The following PIEZO2 variants were observed in gnomAD, a reference collection of about 807,000 sequenced individuals.
The protein encoded by PIEZO2 is piezo-type mechanosensitive ion channel component 2.
A neutral mutation model predicts 337.3 loss-of-function variants in PIEZO2; 172 were observed. The observed-to-expected ratio is 0.51, with a 90% CI of 0.45 to 0.58. PIEZO2 has a LOEUF of 0.58. Among genes scored for constraint, PIEZO2 ranks in the 20% least tolerant of loss-of-function variants. The probability of loss-of-function intolerance (pLI) is 0.00; values close to 1 mark genes in which losing one functional copy is unlikely to be tolerated. For synonymous variants in PIEZO2, 1,251 were observed against 1,228.5 expected (o/e 1.02, Z -0.38); for missense variants, 3,028 against 3,391.3 (o/e 0.89, Z 2.66).
intron 4 of PIEZO2, among the ~76,000 whole-genome samples, chr18:10,909,932 T>C (rs2030309277): frequency 6.6e-6 from 1 of 152,224 alleles, no homozygotes; most frequent in Admixed American, 6.5e-5. Context: ...TAGGTGTTGG[T>C]AGGGAAATAA....
chr18:10,946,127 C>G (rs1258928923), intron 3 of PIEZO2, among the ~76,000 whole-genome samples: 1 of 152,036 alleles, frequency 6.6e-6, no homozygotes, highest in Non-Finnish European at 1.5e-5. Context: ...TCAATGAACC[C>G]TAGGAACAAG....
rs1402097498 is a variant in PIEZO2 at position 10,861,717 on chromosome 18, T to C, written c.493-4506A>G. Among the ~76,000 whole-genome samples, 2 of 152,198 alleles carry C rather than the reference T, an allele frequency of 1.3e-5. No homozygotes were observed. The highest frequency in any genetic ancestry group is 1.9e-4 in the East Asian group (1 of 5,184). On this transcript the variant is annotated intron_variant, in intron 5 of 55. Transcript: ENST00000674853. This position sits in a 1 kb window ranked among gnomAD's most constrained non-coding sequence, Gnocchi z 4.3. ...ACTGCATGGTGACTGTAGTTTTTAATGTATATTTCAAAATAGTTGGCCGGG... is the reference window on the plus strand; with the variant it reads ...ACTGCATGGTGACTGTAGTTTTTAACGTATATTTCAAAATAGTTGGCCGGG...
intron 4 of PIEZO2, among the ~76,000 whole-genome samples, chr18:10,906,150 AT>A (rs2029903661): frequency 6.6e-6 from 1 of 152,146 alleles, no homozygotes; most frequent in Non-Finnish European, 1.5e-5. Flanking sequence ...AACTAGGGAT[AT>A]TTGTTATCTC....
intron 17 of PIEZO2, among the ~76,000 whole-genome samples, chr18:10,782,489 A>G (rs2144097040): frequency 7.7e-6 from 1 of 129,934 alleles, no homozygotes; most frequent in East Asian, 2.0e-4. Context: ...ATTATATTAA[A>G]TATTATATTC....
chr18:10,872,403 T>C lies in PIEZO2; in HGVS notation c.330-988A>G, dbSNP rs1475951491. On this transcript the variant is annotated intron_variant, in intron 4 of 55. Transcript: ENST00000674853. This position sits in a 1 kb window ranked among gnomAD's most constrained non-coding sequence, Gnocchi z 4.3. Reference sequence around the variant, plus strand: ...AGGTAATACAAACGCCATCTGTGATTTTGGGAGGCGTCCAGTGGTAATGAA... The same window carrying C: ...AGGTAATACAAACGCCATCTGTGATCTTGGGAGGCGTCCAGTGGTAATGAA... Among the ~76,000 whole-genome samples the C allele has an allele frequency of 6.6e-6, 1 of 152,114 alleles. No homozygotes were observed. The highest frequency in any genetic ancestry group is 2.4e-5 in the African/African-American group (1 of 41,418).
chr18:10,883,708 C>T (rs958220675), intron 4 of PIEZO2, among the ~76,000 whole-genome samples: 1 of 152,036 alleles, frequency 6.6e-6, no homozygotes, highest in Non-Finnish European at 1.5e-5. Context: ...TGAACTTATT[C>T]TTCCTGGTGT....
In PIEZO2 at chr18:10,819,837, T is replaced by TA. The variant is rs537630780; in HGVS notation, c.918-12564dup. Among the ~76,000 whole-genome samples the TA allele has an allele frequency of 2.4e-3, 363 of 152,338 alleles. 2 individuals are homozygous for TA. Among genetic ancestry groups the TA allele is most frequent in the Non-Finnish European group, 3.3e-3 (227 of 68,014 alleles). ...CTTAAGTCTGAAGAGCATCCTCTAA[T>TA]ATTTGTGTAGTGCAGGTCTGCTGGT... On this transcript the variant is annotated intron_variant, in intron 7 of 55. Transcript: ENST00000674853. The surrounding 1 kb of genome is among the most constrained non-coding windows in gnomAD (Gnocchi z 4.3).
intron 2 of PIEZO2, among the ~76,000 whole-genome samples, chr18:11,012,286 AT>A (rs1409629944): frequency 2.6e-5 from 4 of 152,304 alleles, no homozygotes; most frequent in African/African-American, 4.8e-5. Flanking sequence ...GATGAGCAGC[AT>A]TTTTTTCTCA....
At chr18:10,950,113 C>T (rs1016300428) in intron 3 of PIEZO2, among the ~76,000 whole-genome samples, 1 of 152,076 alleles carries the variant, frequency 6.6e-6, no homozygotes, top group East Asian at 1.9e-4. Flanking sequence ...GTTGGCAGTA[C>T]CCTATATATT....
Position 11,028,437 on chromosome 18 carries a change from T to G in PIEZO2, c.160+37690A>C, listed in dbSNP as rs2036613751. Among the ~76,000 whole-genome samples the G allele has an allele frequency of 6.6e-6, 1 of 152,004 alleles. No homozygotes were observed. Among genetic ancestry groups the G allele is most frequent in the African/African-American group, 2.4e-5 (1 of 41,382 alleles). On this transcript the variant is annotated intron_variant, in intron 2 of 55. Coordinates refer to ENST00000674853, the MANE Select transcript of PIEZO2 (RefSeq NM_001378183.1). This position sits in a 1 kb window ranked among gnomAD's most constrained non-coding sequence, Gnocchi z 4.8. ...ATCCACACCTGGGTAATTTTTGTAT[T>G]TTTAGTAGAGACAGGGTTTCACCAT... is the stretch of plus-strand genomic sequence containing the variant.
At position 11,127,954 on chromosome 18, in the gene PIEZO2, T is replaced by C. The variant is rs2040234317; in HGVS notation, c.64+20571A>G. ...TTTGGGGTTTCTGGAGTTGGCTGCT[T>C]AGTATGATTAGACCTGAAAATGCTA... On this transcript the variant is annotated intron_variant, in intron 1 of 55. Coordinates refer to ENST00000674853, the MANE Select transcript of PIEZO2 (RefSeq NM_001378183.1). The surrounding 1 kb of genome is among the most constrained non-coding windows in gnomAD (Gnocchi z 4.5). 6.6e-6 allele frequency among the ~76,000 whole-genome samples: 1 copy of C among 151,812 alleles called. No homozygotes were observed. Among genetic ancestry groups the C allele is most frequent in the African/African-American group, 2.4e-5 (1 of 41,312 alleles).
At chr18:10,695,010 C>G (rs1598365371) in intron 47 of PIEZO2, among the ~76,000 whole-genome samples, 1 of 152,336 alleles carries the variant, frequency 6.6e-6, no homozygotes, top group South Asian at 2.1e-4. Flanking sequence ...TACATAAAAT[C>G]AGATATGCTT....
At position 10,813,645 on chromosome 18, in the gene PIEZO2, G is replaced by A. The variant is rs1022747786; in HGVS notation, c.918-6371C>T. Among the ~76,000 whole-genome samples, 1 of 152,096 alleles carries A rather than the reference G, an allele frequency of 6.6e-6. No individual in the cohort carries two copies. Among genetic ancestry groups the A allele is most frequent in the Admixed American group, 6.5e-5 (1 of 15,276 alleles). On this transcript the variant is annotated intron_variant, in intron 7 of 55. Coordinates refer to ENST00000674853, the MANE Select transcript of PIEZO2 (RefSeq NM_001378183.1). The surrounding 1 kb of genome is among the most constrained non-coding windows in gnomAD (Gnocchi z 4.2). ...GTATGTCCCATTTGTTAATTCATCT[G>A]TTGATGGCACTTCCACCTTCTGACT...
chr18:10,704,388 G>A lies in PIEZO2; in HGVS notation c.6258+6C>T, dbSNP rs1567966549. 6.5e-7 allele frequency: 1 copy of A among 1,536,982 alleles called. No individual in the cohort carries two copies. The highest frequency in any genetic ancestry group is 1.2e-5 in the South Asian group (1 of 84,046). On this transcript the variant is annotated splice_donor_region_variant and intron_variant, in intron 42 of 55. Coordinates refer to ENST00000674853, the MANE Select transcript of PIEZO2 (RefSeq NM_001378183.1). Reference sequence around the variant, plus strand: ...GCCATCCACAGGGGTCTGCGTCCAGGCCTACCTCAGTATAGACGATGGCCA... The same window carrying A: ...GCCATCCACAGGGGTCTGCGTCCAGACCTACCTCAGTATAGACGATGGCCA...
chr18:10,763,160 G>C (rs1018198006), intron 21 of PIEZO2, 62 bp from the exon 22 acceptor site: 14 of 1,467,960 alleles, frequency 9.5e-6, no homozygotes, highest in Non-Finnish European at 1.3e-5. Context: ...AAACAGGACA[G>C]CCACAAAACA....
Position 11,070,590 on chromosome 18 carries a change from G to C in PIEZO2, c.65-4368C>G, listed in dbSNP as rs139254343. ...AAAGCCTAGCTTCACAAAGGGAAAG[G>C]TTTTCACAAAAGAAGTCCACTGCAA... is the stretch of plus-strand genomic sequence containing the variant. On this transcript the variant is annotated intron_variant, in intron 1 of 55. Transcript: ENST00000674853. This position sits in a 1 kb window ranked among gnomAD's most constrained non-coding sequence, Gnocchi z 4.3. 1.0e-3 allele frequency among the ~76,000 whole-genome samples: 156 copies of C among 152,286 alleles called. No individual in the cohort carries two copies. The highest frequency in any genetic ancestry group is 3.4e-3 in the Middle Eastern group (1 of 294).
intron 3 of PIEZO2, among the ~76,000 whole-genome samples, chr18:10,937,124 C>T (rs568969056): frequency 1.5e-3 from 228 of 152,156 alleles, no homozygotes; most frequent in African/African-American, 5.1e-3. Flanking sequence ...TAGAAAATTA[C>T]GTGTAATGAC....
chr18:11,004,686 A>T (rs904270051), intron 2 of PIEZO2, among the ~76,000 whole-genome samples: 2 of 152,214 alleles, frequency 1.3e-5, no homozygotes, highest in Non-Finnish European at 2.9e-5. Flanking sequence ...AGGCCAATGG[A>T]TCTCCTTGCT....
chr18:10,909,908 C>T (rs755385509), intron 4 of PIEZO2, among the ~76,000 whole-genome samples: 9 of 152,238 alleles, frequency 5.9e-5, no homozygotes, highest in Non-Finnish European at 7.4e-5. Flanking sequence ...CAGCAAACAG[C>T]GATGGTGCTG....
Sources: allele counts gnomAD v4.1 joint callset (sites outside exome capture counted in the v4.1 genomes callset), GRCh38; gene constraint gnomAD v4.1.1; non-coding constraint Gnocchi (gnomAD v3.1); transcripts MANE v1.5; gene names NCBI Gene and HGNC (gene_info 2026-07-23, HGNC 2026-07-21).